The following RASGRF1 variants were observed in gnomAD, a reference collection of about 807,000 sequenced individuals.
RASGRF1 encodes ras-specific guanine nucleotide-releasing factor 1.
RASGRF1 carries 40 observed loss-of-function variants against 138.7 expected under a neutral mutation model. The ratio of observed to expected loss-of-function variants is 0.29; its 90% confidence interval spans 0.22 to 0.38. RASGRF1 has a LOEUF of 0.38. RASGRF1 is among the 10% of genes least tolerant of loss of function. The probability of loss-of-function intolerance (pLI) is 1.00; values close to 1 mark genes in which losing one functional copy is unlikely to be tolerated. For missense variants in RASGRF1, 1,108 were observed against 1,650.4 expected (o/e 0.67, Z 5.69); for synonymous variants, 614 against 663.2 (o/e 0.93, Z 1.14).
chr15:79,083,737 TA>T (rs1411757981), intron 1 of RASGRF1, among the ~76,000 whole-genome samples: 12 of 152,228 alleles, frequency 7.9e-5, no homozygotes, highest in Admixed American at 2.0e-4. Context: ...CTTCTGCATG[TA>T]CTTGCTCTGT....
intron 9 of RASGRF1, among the ~76,000 whole-genome samples, chr15:79,025,712 AG>A (rs1259193877): frequency 6.6e-6 from 1 of 152,152 alleles, no homozygotes; most frequent in Non-Finnish European, 1.5e-5. Flanking sequence ...GCCAGGGGCT[AG>A]GGGCTAAGCA....
intron 15 of RASGRF1, among the ~76,000 whole-genome samples, chr15:79,002,142 C>T (rs981434441): frequency 4.6e-5 from 7 of 151,894 alleles, no homozygotes; most frequent in African/African-American, 1.5e-4. Context: ...GGTTGGTCCA[C>T]GGACCACACT....
rs2056607917 is a variant in RASGRF1 at position 79,003,928 on chromosome 15, G to A, written c.2323C>T (p.Pro775Ser). ...GTGTCCAGCGTGGCCTTGCTGAAGGGTGACATGGCCGAGTACATGCTGGTG... is the reference window on the plus strand; with the variant it reads ...GTGTCCAGCGTGGCCTTGCTGAAGGATGACATGGCCGAGTACATGCTGGTG... Reference protein sequence around the residue: ...GYTSMYSAMSPFSKATLDTSK... With the variant: ...GYTSMYSAMSSFSKATLDTSK... The change falls in exon 15 of 27, where the codon CCC becomes TCC. Residue 775 changes from proline to serine, a missense_variant. This residue lies in a region of RASGRF1 where 686 missense variants were observed against 976.7 expected (regional missense o/e 0.70). Coordinates refer to ENST00000558480, the MANE Select transcript of RASGRF1 (RefSeq NM_001145648.3). 1.2e-6 allele frequency: 2 copies of A among 1,614,098 alleles called. No individual in the cohort carries two copies. Among genetic ancestry groups the A allele is most frequent in the African/African-American group, 1.3e-5 (1 of 74,928 alleles).
At chr15:79,004,273 C>G (rs566175763) in intron 14 of RASGRF1, 98 bp from the exon 15 acceptor site, 31 of 1,396,088 alleles carry the variant, frequency 2.2e-5, no homozygotes, top group Non-Finnish European at 2.9e-5. Flanking sequence ...GTGGCAGCAA[C>G]GGCTCCATCA....
At chr15:78,993,098 G>C (rs960643631) in intron 20 of RASGRF1, among the ~76,000 whole-genome samples, 1 of 143,832 alleles carries the variant, frequency 7.0e-6, no homozygotes, top group East Asian at 2.0e-4. Flanking sequence ...TGTGTATGGG[G>C]TGTTTGTGGT....
At chr15:78,976,184 A>C (rs1279261351) in intron 24 of RASGRF1, among the ~76,000 whole-genome samples, 1 of 151,940 alleles carries the variant, frequency 6.6e-6, no homozygotes, top group Admixed American at 6.6e-5. Flanking sequence ...ATTTATGGGG[A>C]GTCATGGTTC....
At chr15:79,031,272 G>T in intron 8 of RASGRF1, 128 bp downstream of exon 8, 1 of 732,882 alleles carries the variant, frequency 1.4e-6, no homozygotes, top group Non-Finnish European at 2.2e-6. Flanking sequence ...GCTGTGGCAA[G>T]CTGTGCCCCT....
At chr15:79,086,823 G>C (rs963781345) in intron 1 of RASGRF1, among the ~76,000 whole-genome samples, 1 of 152,158 alleles carries the variant, frequency 6.6e-6, no homozygotes, top group Non-Finnish European at 1.5e-5. Flanking sequence ...GTCGGGGTTG[G>C]GGGACTCCAT....
intron 16 of RASGRF1, among the ~76,000 whole-genome samples, chr15:79,000,364 G>C (rs1439913834): frequency 6.6e-6 from 1 of 152,182 alleles, no homozygotes; most frequent in East Asian, 1.9e-4. Context: ...GGGATGGAGA[G>C]AGGATGGCTC....
Position 79,090,664 on chromosome 15 carries a change from G to A in RASGRF1, c.-166C>T. On this transcript the variant is annotated 5_prime_UTR_variant, in exon 1 of 27. Transcript: ENST00000558480. ...ACTCCAGGATCTGGCGCCGAGCCGC[G>A]GCTTCTTGAATCCAGATATACCATT... 1 of 966,868 alleles carries A rather than the reference G, an allele frequency of 1.0e-6. No homozygotes were observed. The highest frequency in any genetic ancestry group is 1.5e-6 in the Non-Finnish European group (1 of 668,222). The allele number at this position is 966,868 out of a possible 1,614,324, so 59.9% of individuals were successfully genotyped here.
intron 7 of RASGRF1, 86 bp from the exon 8 acceptor site, chr15:79,031,595 C>T: frequency 4.7e-6 from 2 of 421,350 alleles, no homozygotes. Context: ...AGGGAGTGAG[C>T]AAGAGAGAGA....
chr15:79,020,028 C>T lies in RASGRF1; in HGVS notation c.1606+13G>A. 1 of 1,613,926 alleles carries T rather than the reference C, an allele frequency of 6.2e-7. No individual in the cohort carries two copies. The highest frequency in any genetic ancestry group is 8.5e-7 in the Non-Finnish European group (1 of 1,179,952). The stretch of plus-strand genomic sequence containing the variant: ...CAAGCACACACATGCGCACATGCAG[C>T]TTTCACACTCACCTTCCTCCTCCGT... On this transcript the variant is annotated intron_variant, in intron 11 of 26. Transcript: ENST00000558480.
intron 26 of RASGRF1, among the ~76,000 whole-genome samples, chr15:78,963,583 C>A (rs371468252): frequency 6.6e-6 from 1 of 151,948 alleles, no homozygotes; most frequent in Non-Finnish European, 1.5e-5. Context: ...ATTACAGGTG[C>A]GAGCCACCGT....
At chr15:79,059,964 TCACACA>T (rs1469119649) in intron 2 of RASGRF1, among the ~76,000 whole-genome samples, 1 of 124,258 alleles carries the variant, frequency 8.0e-6, no homozygotes, top group Non-Finnish European at 1.8e-5. Context: ...ACTGATACAC[TCACACA>T]CACACACACA....
At chr15:78,984,539 A>C (rs965563709) in intron 23 of RASGRF1, 25 of 222,352 alleles carry the variant, frequency 1.1e-4, no homozygotes, top group Admixed American at 5.6e-4. Flanking sequence ...GAAGCAGCTA[A>C]CTCTCTGTGG....
At position 79,031,459 on chromosome 15, in the gene RASGRF1, A is replaced by G. The variant is rs1433227543; in HGVS notation, c.1203T>C (p.His401=). The change falls in exon 8 of 27, where the codon CAT becomes CAC. Residue 401 remains histidine, a synonymous_variant. Coordinates refer to ENST00000558480, the MANE Select transcript of RASGRF1 (RefSeq NM_001145648.3). ...CCAGGCTGTTGCGCTCAACGTGCTCATGAGGCGTGTGGGCCAGGAGCTCAT... is the reference window on the plus strand; with the variant it reads ...CCAGGCTGTTGCGCTCAACGTGCTCGTGAGGCGTGTGGGCCAGGAGCTCAT... ...TLHELLAHTP[H]EHVERNSLDY... is the part of the protein sequence containing the mutation. 1.2e-6 allele frequency: 2 copies of G among 1,613,512 alleles called. No homozygotes were observed. Among genetic ancestry groups the G allele is most frequent in the African/African-American group, 2.7e-5 (2 of 74,852 alleles).
intron 25 of RASGRF1, among the ~76,000 whole-genome samples, chr15:78,972,408 C>CT (rs555344686): frequency 0.018 from 2,603 of 142,552 alleles, 68 homozygotes; most frequent in African/African-American, 0.062. Flanking sequence ...TGTTTTTTTT[C>CT]TTTTTTTTTT....
chr15:78,984,383 C>G (rs1347952952), intron 23 of RASGRF1: 1 of 160,938 alleles, frequency 6.2e-6, no homozygotes, highest in Non-Finnish European at 1.4e-5. Context: ...CCTCCTGACC[C>G]CAATGCAGGC....
intron 14 of RASGRF1, chr15:79,005,667 T>C: frequency 3.0e-6 from 3 of 985,406 alleles, no homozygotes; most frequent in Non-Finnish European, 2.4e-6. Context: ...AAGGGCTCCA[T>C]CATTTCTTAG....
Sources: gnomAD v4.1 joint callset for allele counts (sites outside exome capture counted in the v4.1 genomes callset) on GRCh38, gnomAD v4.1.1 for gene constraint, gnomAD v4.1.1 regional missense constraint, MANE v1.5 for transcripts, NCBI Gene and HGNC (gene_info 2026-07-23, HGNC 2026-07-21) for gene names.